PCSK2: variants seen among roughly 807,000 people sequenced by gnomAD.
The protein encoded by PCSK2 is neuroendocrine convertase 2.
A neutral mutation model predicts 69.7 loss-of-function variants in PCSK2; 14 were observed. The ratio of observed to expected loss-of-function variants is 0.20; its 90% CI spans 0.13 to 0.31. The LOEUF is 0.31. PCSK2 is among the 10% of genes least tolerant of loss of function. PCSK2 has a pLI of 1.00. For missense variants in PCSK2, 544 were observed against 842.5 expected (o/e 0.65, Z 4.39); for synonymous variants, 307 against 320.7 (o/e 0.96, Z 0.46).
intron 5 of PCSK2, among the ~76,000 whole-genome samples, chr20:17,408,114 A>G (rs1457253664): frequency 6.6e-6 from 1 of 152,192 alleles, no homozygotes; most frequent in Non-Finnish European, 1.5e-5. Flanking sequence ...CTCAGGACCC[A>G]TAACATCAAG....
rs559387005 is a variant in PCSK2 at position 17,317,573 on chromosome 20, A to G, written c.283-40754A>G. Among the ~76,000 whole-genome samples, 18 of 152,258 alleles carry G rather than the reference A, an allele frequency of 1.2e-4. No individual in the cohort carries two copies. In the South Asian group the frequency reaches 3.7e-3, roughly 32 times the overall value. On this transcript the variant is annotated intron_variant, in intron 2 of 11. Transcript: ENST00000262545. ...TTATTAGACGTGTTTTTCTTTTACT[A>G]ACAGCTGCCATCTGTTCCTCTCCAC...
intron 2 of PCSK2, among the ~76,000 whole-genome samples, chr20:17,313,720 A>G (rs895032395): frequency 2.6e-5 from 4 of 152,140 alleles, no homozygotes; most frequent in Non-Finnish European, 5.9e-5. Flanking sequence ...GCTATAATTT[A>G]CAAGGTTTTT....
chr20:17,249,244 C>T (rs1986879773), intron 1 of PCSK2, among the ~76,000 whole-genome samples: 2 of 152,116 alleles, frequency 1.3e-5, no homozygotes, highest in South Asian at 4.1e-4. Context: ...CGGTGGCTCA[C>T]GCCTGTAATC....
chr20:17,309,804 C>T (rs116870051), intron 2 of PCSK2, among the ~76,000 whole-genome samples: 9 of 146,410 alleles, frequency 6.1e-5, no homozygotes, highest in African/African-American at 1.5e-4. Flanking sequence ...GGTGACAGAG[C>T]GAGACTCCAT....
chr20:17,363,009 G>A (rs1019513074), intron 4 of PCSK2, among the ~76,000 whole-genome samples: 15 of 152,218 alleles, frequency 9.9e-5, no homozygotes, highest in East Asian at 7.7e-4. Flanking sequence ...CGACCTGCAC[G>A]CATGAATGGT....
At chr20:17,348,751 C>G (rs532482659) in intron 2 of PCSK2, among the ~76,000 whole-genome samples, 1 of 152,182 alleles carries the variant, frequency 6.6e-6, no homozygotes, top group African/African-American at 2.4e-5. Context: ...TCACACCATT[C>G]CCTCTGTTGG....
chr20:17,229,318 G>T (rs928953407), intron 1 of PCSK2, among the ~76,000 whole-genome samples: 1 of 151,532 alleles, frequency 6.6e-6, no homozygotes, highest in African/African-American at 2.4e-5. Context: ...AGCAAGCTAG[G>T]TGCTTTCAGG....
chr20:17,379,268 T>C (rs1434449631), intron 5 of PCSK2, among the ~76,000 whole-genome samples: 1 of 152,232 alleles, frequency 6.6e-6, no homozygotes, highest in Non-Finnish European at 1.5e-5. Context: ...CCATGTCTTG[T>C]TGCCAAGCAA....
intron 1 of PCSK2, among the ~76,000 whole-genome samples, chr20:17,239,696 C>T (rs1479655659): frequency 6.6e-6 from 1 of 152,064 alleles, no homozygotes; most frequent in Non-Finnish European, 1.5e-5. Context: ...ATTCAACAAA[C>T]ATATACTGAG....
At chr20:17,426,077 T>A (rs1243504876) in intron 6 of PCSK2, among the ~76,000 whole-genome samples, 1 of 152,170 alleles carries the variant, frequency 6.6e-6, no homozygotes, top group Non-Finnish European at 1.5e-5. Flanking sequence ...GTGATATGGT[T>A]TGACTCTGTG....
At chr20:17,314,249 G>A (rs1438882994) in intron 2 of PCSK2, among the ~76,000 whole-genome samples, 4 of 152,198 alleles carry the variant, frequency 2.6e-5, no homozygotes, top group East Asian at 1.9e-4. Context: ...TCCTCTCTAG[G>A]TAGTTTTTTA....
At chr20:17,370,635 A>C (rs753930711) in intron 5 of PCSK2, among the ~76,000 whole-genome samples, 8 of 152,144 alleles carry the variant, frequency 5.3e-5, no homozygotes, top group Non-Finnish European at 1.0e-4. Flanking sequence ...CTGAGGAAAC[A>C]GCCCTTCTCC....
chr20:17,302,813 A>C (rs1161259732), intron 2 of PCSK2, among the ~76,000 whole-genome samples: 1 of 152,108 alleles, frequency 6.6e-6, no homozygotes, highest in Non-Finnish European at 1.5e-5. Context: ...AAAGCTTCAG[A>C]TCTCACCCTT....
chr20:17,315,082 A>C (rs115308578), intron 2 of PCSK2, among the ~76,000 whole-genome samples: 1 of 152,004 alleles, frequency 6.6e-6, no homozygotes, highest in African/African-American at 2.4e-5. Context: ...CCCCGAGAAA[A>C]CCCTGCGGCT....
intron 4 of PCSK2, among the ~76,000 whole-genome samples, chr20:17,362,816 T>A (rs914319878): frequency 2.6e-5 from 4 of 152,248 alleles, no homozygotes; most frequent in African/African-American, 9.6e-5. Context: ...CTATTCCATA[T>A]GATAACTGAA....
intron 6 of PCSK2, among the ~76,000 whole-genome samples, chr20:17,425,683 T>C (rs1245822280): frequency 2.6e-5 from 4 of 152,154 alleles, no homozygotes; most frequent in Non-Finnish European, 5.9e-5. Flanking sequence ...AGTGTATCAC[T>C]CACCCACCAG....
At chr20:17,375,191 C>T (rs1042774814) in intron 5 of PCSK2, among the ~76,000 whole-genome samples, 20 of 152,104 alleles carry the variant, frequency 1.3e-4, no homozygotes, top group Admixed American at 8.5e-4. Flanking sequence ...TGCACAATTT[C>T]GGGTTGTCCT....
At chr20:17,349,771 A>G (rs1002659634) in intron 2 of PCSK2, among the ~76,000 whole-genome samples, 2 of 152,178 alleles carry the variant, frequency 1.3e-5, no homozygotes, top group Non-Finnish European at 2.9e-5. Flanking sequence ...CTACATTTTT[A>G]ATACTTCCTC....
chr20:17,320,896 A>G (rs1989844114), intron 2 of PCSK2, among the ~76,000 whole-genome samples: 1 of 152,218 alleles, frequency 6.6e-6, no homozygotes, highest in Non-Finnish European at 1.5e-5. Flanking sequence ...CTAACTAGAA[A>G]GTCAGGACTA....
Sources: gnomAD v4.1 joint callset for allele counts (sites outside exome capture counted in the v4.1 genomes callset) on GRCh38, gnomAD v4.1.1 for gene constraint, MANE v1.5 for transcripts, NCBI Gene and HGNC (gene_info 2026-07-23, HGNC 2026-07-21) for gene names.